ERMARD: variants seen among roughly 807,000 people sequenced by gnomAD.
The protein encoded by ERMARD is endoplasmic reticulum membrane-associated RNA degradation protein.
A neutral mutation model predicts 83.9 loss-of-function variants in ERMARD; 71 were observed. That is an observed-to-expected ratio of 0.85 (90% CI 0.70 to 1.03). The LOEUF (loss-of-function observed/expected upper bound fraction) is 1.03, where lower values mean the gene tolerates loss of function less well. Ranked by LOEUF, ERMARD falls within the 50% of genes least tolerant of loss-of-function variation. The pLI is 0.00. For synonymous variants in ERMARD, 284 were observed against 298.6 expected (o/e 0.95, Z 0.50); for missense variants, 838 against 810.9 (o/e 1.03, Z -0.41).
intron 6 of ERMARD, among the ~76,000 whole-genome samples, chr6:169,759,363 TG>T (rs1246105580): frequency 3.3e-5 from 5 of 152,176 alleles, no homozygotes; most frequent in Non-Finnish European, 7.4e-5. Context: ...AGAGTGTCTG[TG>T]GTGCTGTTGT....
intron 5 of ERMARD, 126 bp downstream of exon 5, chr6:169,756,934 C>A (rs780428551): frequency 1.5e-4 from 125 of 815,438 alleles, no homozygotes; most frequent in Non-Finnish European, 2.3e-4. Flanking sequence ...GCTGAGGAGG[C>A]CTCAGAATCA....
intron 9 of ERMARD, among the ~76,000 whole-genome samples, chr6:169,766,176 A>G (rs575894227): frequency 6.6e-6 from 1 of 152,340 alleles, no homozygotes; most frequent in East Asian, 1.9e-4. Context: ...TGCAGTTGGG[A>G]TCAGAACTCA....
intron 12 of ERMARD, 21 bp from the exon 13 acceptor site, chr6:169,773,298 C>T (rs1339254203): frequency 6.2e-7 from 1 of 1,610,694 alleles, no homozygotes; most frequent in African/African-American, 1.3e-5. Flanking sequence ...ATGATAGTAA[C>T]CACTGTTTTC....
At chr6:169,772,631 G>T (rs191156641) in intron 12 of ERMARD, among the ~76,000 whole-genome samples, 57 of 152,104 alleles carry the variant, frequency 3.7e-4, no homozygotes, top group East Asian at 3.1e-3. Context: ...TTAGCCAGGC[G>T]TGGTGGTGGG....
Position 169,780,776 on chromosome 6 carries a change from G to A in ERMARD, c.1854-554G>A, listed in dbSNP as rs180704057. ...GGAGCTTTTTCAGTAAATATAGTTG[G>A]TCCTCTGTATCAGCAGGCTCTGCGT... On this transcript the variant is annotated intron_variant, in intron 17 of 17. Coordinates refer to ENST00000366773, the MANE Select transcript of ERMARD (RefSeq NM_018341.3). Among the ~76,000 whole-genome samples the A allele has an allele frequency of 5.8e-4, 88 of 152,234 alleles. 1 individual carries two copies. Among genetic ancestry groups the A allele is most frequent in the African/African-American group, 1.8e-3 (76 of 41,526 alleles).
rs1794197612 is a variant in ERMARD at position 169,781,520 on chromosome 6, G to A, written c.*7G>A. On this transcript the variant is annotated 3_prime_UTR_variant, in exon 18 of 18. Transcript: ENST00000366773. ...AAGTAAAGTACTCTTATGAAAACTT[G>A]TAAGTCAGGATGCTTTTAATTTTAA... 2 of 1,579,700 alleles carry A rather than the reference G, an allele frequency of 1.3e-6. No homozygotes were observed. Among genetic ancestry groups the A allele is most frequent in the South Asian group, 2.4e-5 (2 of 84,904 alleles).
intron 6 of ERMARD, 142 bp from the exon 7 acceptor site, chr6:169,759,696 A>T: frequency 2.5e-6 from 2 of 791,126 alleles, no homozygotes; most frequent in Non-Finnish European, 4.0e-6. Flanking sequence ...TTCTGGGATT[A>T]CAGGCATGAG....
chr6:169,775,948 A>G lies in ERMARD; in HGVS notation c.1403A>G (p.Asp468Gly). The G allele has an allele frequency of 1.2e-6, 2 of 1,614,128 alleles. No individual in the cohort carries two copies. Among genetic ancestry groups the G allele is most frequent in the Non-Finnish European group, 1.7e-6 (2 of 1,180,040 alleles). ...ELTRQAVRLE[D>G]NSETNACHSL... is the part of the protein sequence containing the mutation. ...TATTTTCTGTTTTTCAGATTAGAAG[A>G]TAATTCTGAAACAAATGCCTGCCAC... Residue 468 changes from aspartate to glycine, a missense_variant, in exon 15 of 18, where the codon GAT (aspartate) becomes GGT (glycine). Physicochemically the swap from Asp to Gly is moderately conservative, Grantham distance 94. Coordinates refer to ENST00000366773, the MANE Select transcript of ERMARD (RefSeq NM_018341.3).
At chr6:169,751,388 G>A (rs1162810959), upstream of ERMARD, 1 of 1,614,134 alleles carries the variant, frequency 6.2e-7, no homozygotes, top group East Asian at 2.2e-5. Context: ...AGGCGTCACC[G>A]GAGCCTGCTG....
At chr6:169,768,023 C>T in intron 10 of ERMARD, 80 bp from the exon 11 acceptor site, 1 of 1,151,304 alleles carries the variant, frequency 8.7e-7, no homozygotes, top group Non-Finnish European at 1.3e-6. Flanking sequence ...GCTAAAAGTA[C>T]TATATCCATC....
chr6:169,779,066 T>G (rs188080514), intron 16 of ERMARD, 116 bp from the exon 17 acceptor site: 65 of 949,700 alleles, frequency 6.8e-5, no homozygotes, highest in Admixed American at 5.9e-4. Context: ...TTAGGAAAAT[T>G]ATTTTTTGAG....
chr6:169,777,113 C>T lies in ERMARD; in HGVS notation c.1739+440C>T, dbSNP rs781222309. Among the ~76,000 whole-genome samples the T allele has an allele frequency of 5.0e-4, 76 of 152,118 alleles. 1 individual carries two copies. The highest frequency in any genetic ancestry group is 8.7e-4 in the Non-Finnish European group (59 of 68,030). On this transcript the variant is annotated intron_variant, in intron 16 of 17. Transcript: ENST00000366773. ...TGTTTTGAGTCTTTGATGAGCCTTTCGGTGAATACACAATTTACTTGTGAG... is the reference window on the plus strand; with the variant it reads ...TGTTTTGAGTCTTTGATGAGCCTTTTGGTGAATACACAATTTACTTGTGAG...
At chr6:169,771,561 TA>T (rs1271302175) in intron 12 of ERMARD, 1 of 152,120 alleles carries the variant, frequency 6.6e-6, no homozygotes, top group African/African-American at 2.4e-5. Context: ...TGGATTGAGT[TA>T]GGGATAATTG....
At chr6:169,772,788 A>G (rs1409487307) in intron 12 of ERMARD, among the ~76,000 whole-genome samples, 1 of 151,844 alleles carries the variant, frequency 6.6e-6, no homozygotes, top group Admixed American at 6.6e-5. Flanking sequence ...AAAAAAAAAA[A>G]AAAAATTGTA....
chr6:169,751,804 A>C, intron 1 of ERMARD, 141 bp downstream of exon 1: 1 of 1,258,788 alleles, frequency 7.9e-7, no homozygotes. Context: ...GGCGCTGGCG[A>C]CGTCGCGGCC....
At chr6:169,759,997 T>G (rs1278213967) in intron 7 of ERMARD, 23 bp downstream of exon 7, 1 of 1,613,906 alleles carries the variant, frequency 6.2e-7, no homozygotes, top group Non-Finnish European at 8.5e-7. Context: ...TTTCACATTT[T>G]TCCTTATAGC....
At chr6:169,775,384 G>C (rs1367471662) in intron 14 of ERMARD, 38 bp downstream of exon 14, 1 of 1,599,242 alleles carries the variant, frequency 6.3e-7, no homozygotes, top group East Asian at 2.2e-5. Context: ...CCTCAAGCTT[G>C]TCTGGTACTA....
rs1791300183 is a variant in ERMARD at position 169,759,831 on chromosome 6, T to C, written c.606-7T>C. 6 of 1,610,522 alleles carry C rather than the reference T, an allele frequency of 3.7e-6. No individual in the cohort carries two copies. The highest frequency in any genetic ancestry group is 5.1e-6 in the Non-Finnish European group (6 of 1,177,338). ...TTTTTGTAACAGATCTCTATGGTAT[T>C]TCCTAGATACTGTTCAATGATGATA... On this transcript the variant is annotated splice_region_variant and splice_polypyrimidine_tract_variant and intron_variant, in intron 6 of 17. Transcript: ENST00000366773.
chr6:169,772,106 T>C, intron 12 of ERMARD: 1 of 152,520 alleles, frequency 6.6e-6, no homozygotes. Context: ...CCTTGGCCCC[T>C]CCCTGGAGTG....
Sources: gnomAD v4.1 joint callset for allele counts (sites outside exome capture counted in the v4.1 genomes callset) on GRCh38, gnomAD v4.1.1 for gene constraint, MANE v1.5 for transcripts, NCBI Gene and HGNC (gene_info 2026-07-23, HGNC 2026-07-21) for gene names.